Variants in NHERF2 observed in about 807,000 individuals in gnomAD.
NHERF2 encodes the protein NHERF family PDZ scaffold protein 2.
At chr16:2,036,680 G>T in the NHERF2 span, 2 of 1,599,472 alleles carry the variant, frequency 1.3e-6, no homozygotes, top group Non-Finnish European at 1.7e-6. Context: ...CGCGGCGTTG[G>T]GGGCTGTCTG....
chr16:2,027,229 G>A, the NHERF2 span: 8 of 1,298,748 alleles, frequency 6.2e-6, no homozygotes, highest in African/African-American at 1.1e-4. Flanking sequence ...GTGGGGGCCA[G>A]CGCTCGCCCC....
At chr16:2,038,296 C>T in the NHERF2 span, 2 of 543,662 alleles carry the variant, frequency 3.7e-6, no homozygotes, top group South Asian at 1.7e-5. Flanking sequence ...GGGGCGAGGG[C>T]CTTTGCTGCT....
the NHERF2 span, chr16:2,029,502 C>G: frequency 1.5e-6 from 2 of 1,363,928 alleles, no homozygotes; most frequent in Non-Finnish European, 2.0e-6. Context: ...CACGCCTGGG[C>G]CAGCCCAGAG....
chr16:2,038,020 T>G, the NHERF2 span: 7 of 1,609,072 alleles, frequency 4.4e-6, no homozygotes, highest in Middle Eastern at 1.7e-4. Context: ...CTGGGACCCC[T>G]CCCGCACGGA....
chr16:2,038,177 G>C, the NHERF2 span: 1 of 631,198 alleles, frequency 1.6e-6, no homozygotes. Flanking sequence ...AGCAAGATAG[G>C]GGGAGAGAGA....
the NHERF2 span, among the ~76,000 whole-genome samples, chr16:2,034,248 G>A: frequency 1.3e-5 from 2 of 152,144 alleles, no homozygotes; most frequent in East Asian, 1.9e-4. Context: ...GTGTCTTTGC[G>A]GACTGGGCCC....
the NHERF2 span, chr16:2,035,262 C>T: frequency 6.0e-6 from 2 of 330,748 alleles, no homozygotes; most frequent in Non-Finnish European, 8.6e-6. Context: ...CCCCCGCTGA[C>T]ATGGCCGTTT....
At chr16:2,036,960 C>T in the NHERF2 span, 1 of 1,556,312 alleles carries the variant, frequency 6.4e-7, no homozygotes, top group Non-Finnish European at 8.7e-7. Context: ...CACAGGTCCT[C>T]TGCCGTCACC....
the NHERF2 span, among the ~76,000 whole-genome samples, chr16:2,027,672 G>A: frequency 6.6e-6 from 1 of 152,218 alleles, no homozygotes; most frequent in Non-Finnish European, 1.5e-5. Flanking sequence ...CGCAGTAAAG[G>A]CATCAGTGTG....
the NHERF2 span, chr16:2,035,801 GC>G: frequency 1.9e-6 from 1 of 534,214 alleles, no homozygotes; most frequent in Non-Finnish European, 2.4e-6. Context: ...TGCTTGCTGG[GC>G]CCACGGGGGT....
chr16:2,033,196 GC>G, the NHERF2 span: 1 of 1,462,850 alleles, frequency 6.8e-7, no homozygotes, highest in Non-Finnish European at 9.0e-7. Context: ...TCATCACCCT[GC>G]TCCCCAGAGT....
At chr16:2,033,298 A>T in the NHERF2 span, 3 of 1,532,220 alleles carry the variant, frequency 2.0e-6, no homozygotes, top group South Asian at 3.6e-5. Context: ...TCGGCCAGAG[A>T]GTTCAGGCCA....
chr16:2,030,655 C>T, the NHERF2 span, among the ~76,000 whole-genome samples: 1 of 149,262 alleles, frequency 6.7e-6, no homozygotes, highest in East Asian at 1.9e-4. Context: ...AAAGAGAACC[C>T]TGGCCGGGTG....
chr16:2,037,775 G>T, the NHERF2 span: 7 of 1,553,116 alleles, frequency 4.5e-6, no homozygotes, highest in Non-Finnish European at 5.2e-6. Context: ...ACCGTCTGGG[G>T]TGTGGGACTA....
At chr16:2,038,595 G>T in the NHERF2 span, 1 of 309,842 alleles carries the variant, frequency 3.2e-6, no homozygotes, top group Non-Finnish European at 6.1e-6. Flanking sequence ...CCTTGGGTAA[G>T]GCCAGGGAGG....
the NHERF2 span, chr16:2,036,498 A>G: frequency 6.3e-7 from 1 of 1,586,522 alleles, no homozygotes; most frequent in African/African-American, 1.3e-5. Flanking sequence ...GGACCGGCTC[A>G]TTGAGGTACC....
the NHERF2 span, chr16:2,037,974 G>A: frequency 6.2e-7 from 1 of 1,613,578 alleles, no homozygotes; most frequent in Non-Finnish European, 8.5e-7. Context: ...GAAATCTTCA[G>A]CAACTTCTGA....
At chr16:2,037,202 C>T in the NHERF2 span, among the ~76,000 whole-genome samples, 1 of 152,198 alleles carries the variant, frequency 6.6e-6, no homozygotes, top group South Asian at 2.1e-4. Context: ...GGGTCGGGGC[C>T]ACTGCCTTCT....
At chr16:2,029,750 A>G in the NHERF2 span, 1 of 1,550,920 alleles carries the variant, frequency 6.4e-7, no homozygotes. Flanking sequence ...CTGGGCACAC[A>G]CCGGCAGCCA....
Sources: allele counts gnomAD v4.1 joint callset (sites outside exome capture counted in the v4.1 genomes callset), GRCh38; gene constraint gnomAD v4.1.1; transcripts MANE v1.5; gene names NCBI Gene and HGNC (gene_info 2026-07-23, HGNC 2026-07-21).